FBXO15: variants seen among roughly 807,000 people sequenced by gnomAD.
FBXO15 encodes F-box only protein 15.
In FBXO15, 30 loss-of-function variants were observed where a neutral mutation model predicts 49.5. The ratio of observed to expected loss-of-function variants is 0.61; its 90% CI spans 0.45 to 0.82. FBXO15 has a LOEUF of 0.82. FBXO15 is among the 40% of genes least tolerant of loss of function. FBXO15 has a pLI of 0.00. For missense variants in FBXO15, 591 were observed against 631.5 expected (o/e 0.94, Z 0.69); for synonymous variants, 250 against 232.7 (o/e 1.07, Z -0.68).
chr18:74,143,940 GCTTA>G (rs1979244080), intron 1 of FBXO15, among the ~76,000 whole-genome samples: 1 of 152,166 alleles, frequency 6.6e-6, no homozygotes, highest in Non-Finnish European at 1.5e-5. Flanking sequence ...TGCCTGTCTT[GCTTA>G]CTATCGCTGG....
intron 1 of FBXO15, among the ~76,000 whole-genome samples, chr18:74,143,834 C>T (rs1430448795): frequency 6.6e-6 from 1 of 152,188 alleles, no homozygotes; most frequent in Admixed American, 6.5e-5. Context: ...ATTTAAACTG[C>T]AATCCAGTCC....
intron 5 of FBXO15, among the ~76,000 whole-genome samples, chr18:74,128,312 A>G (rs1291802393): frequency 6.6e-6 from 1 of 151,302 alleles, no homozygotes; most frequent in Non-Finnish European, 1.5e-5. Flanking sequence ...AGCCAAAAAC[A>G]AGGTCCCCAG....
At chr18:74,106,456 T>A (rs905773351) in intron 8 of FBXO15, among the ~76,000 whole-genome samples, 1 of 152,124 alleles carries the variant, frequency 6.6e-6, no homozygotes, top group South Asian at 2.1e-4. Context: ...TAATGAATAT[T>A]CAATTAGAAA....
Position 74,075,443 on chromosome 18 carries a change from A to T in FBXO15, c.1264-1713T>A, listed in dbSNP as rs1403990272. Among the ~76,000 whole-genome samples, 1 of 152,176 alleles carries T rather than the reference A, an allele frequency of 6.6e-6. No individual in the cohort carries two copies. Among genetic ancestry groups the T allele is most frequent in the Non-Finnish European group, 1.5e-5 (1 of 68,032 alleles). On this transcript the variant is annotated intron_variant, in intron 9 of 9. Coordinates refer to ENST00000419743, the MANE Select transcript of FBXO15 (RefSeq NM_001142958.2). This position sits in a 1 kb window ranked among gnomAD's most constrained non-coding sequence, Gnocchi z 4.1. ...TACTTCTGTCCTCCCATCAGCTTTT[A>T]GTCTTTAACACATTCAAGTAACTCC...
chr18:74,077,609 G>T (rs1237925068), intron 9 of FBXO15, among the ~76,000 whole-genome samples: 1 of 152,172 alleles, frequency 6.6e-6, no homozygotes, highest in Non-Finnish European at 1.5e-5. Flanking sequence ...CAGAGCCTGG[G>T]CTGCGAGGAG....
Position 74,145,297 on chromosome 18 carries a change from T to A in FBXO15, c.116+2373A>T, listed in dbSNP as rs1254655445. Among the ~76,000 whole-genome samples, 28 of 152,204 alleles carry A rather than the reference T, an allele frequency of 1.8e-4. 1 individual carries two copies. The highest frequency in any genetic ancestry group is 1.8e-3 in the Admixed American group (28 of 15,288). ...TATGAAGGCTATTTTATTACAAACA[T>A]GTTTTCACACTTTTAAAACGTCAAA... On this transcript the variant is annotated intron_variant, in intron 1 of 9. Transcript: ENST00000419743.
intron 3 of FBXO15, among the ~76,000 whole-genome samples, chr18:74,134,102 G>T (rs181470339): frequency 6.6e-6 from 1 of 152,326 alleles, no homozygotes; most frequent in East Asian, 1.9e-4. Context: ...GTATGTGTGT[G>T]TTTGTGTGTG....
intron 2 of FBXO15, among the ~76,000 whole-genome samples, chr18:74,138,989 C>T (rs191533705): frequency 6.6e-5 from 10 of 152,282 alleles, no homozygotes; most frequent in Admixed American, 4.6e-4. Flanking sequence ...CTCCCCAGAG[C>T]CTGGTAGCCC....
At chr18:74,078,055 G>A (rs1023776509) in intron 9 of FBXO15, among the ~76,000 whole-genome samples, 10 of 152,080 alleles carry the variant, frequency 6.6e-5, no homozygotes, top group Non-Finnish European at 1.0e-4. Context: ...AGGAAGGAGC[G>A]GCCGGTGGGG....
rs765014973 is a variant in FBXO15, at chr18:74,073,529, G to T, written c.1465C>A (p.Leu489Ile). 9.9e-6 allele frequency: 16 copies of T among 1,613,946 alleles called. No individual in the cohort carries two copies. Among genetic ancestry groups the T allele is most frequent in the Non-Finnish European group, 1.4e-5 (16 of 1,180,012 alleles). Reference sequence around the variant, plus strand: ...AGATAAAGGACCAGGTTGACAATAAGGTATTCTTCGGTCTCTCTGATCCAC... The same window carrying T: ...AGATAAAGGACCAGGTTGACAATAATGTATTCTTCGGTCTCTCTGATCCAC... ...LVWIRETEEY[L>I]IVNLVLYLSI... The change falls in exon 10 of 10, where the codon CTT becomes ATT. Residue 489 changes from leucine (L) to isoleucine (I), a missense_variant. By Grantham distance (5) the Leu-to-Ile change is conservative. Coordinates refer to ENST00000419743, the MANE Select transcript of FBXO15 (RefSeq NM_001142958.2).
At chr18:74,134,558 C>T (rs902744180) in intron 3 of FBXO15, among the ~76,000 whole-genome samples, 3 of 151,712 alleles carry the variant, frequency 2.0e-5, no homozygotes, top group Admixed American at 6.6e-5. Flanking sequence ...TTAGTAGAGA[C>T]GGGGTTTCAC....
chr18:74,138,695 C>A (rs905100083), intron 2 of FBXO15, among the ~76,000 whole-genome samples: 2 of 152,104 alleles, frequency 1.3e-5, no homozygotes, highest in Non-Finnish European at 2.9e-5. Context: ...TCAGCTGTAA[C>A]CAGTCCAAAG....
At position 74,129,652 on chromosome 18, in the gene FBXO15, T is replaced by C. The variant is rs370050834; in HGVS notation, c.576-38A>G. On this transcript the variant is annotated intron_variant, in intron 4 of 9. Coordinates refer to ENST00000419743, the MANE Select transcript of FBXO15 (RefSeq NM_001142958.2). ...AAAAAAACTAACAATGTTTGCCTCA[T>C]TGAAAAAAAAAAAATGCTAAAGGCA... The C allele has an allele frequency of 3.5e-5, 54 of 1,532,888 alleles. 1 individual carries two copies. In the African/African-American group the frequency reaches 6.8e-4, roughly 19 times the overall value. The allele number at this position is 1,532,888 out of a possible 1,614,324, so 95.0% of individuals were successfully genotyped here. A position where few individuals can be genotyped will look rare whatever the true frequency, so the allele number is the denominator to read the frequency against.
chr18:74,085,511 T>C (rs1198333394), intron 8 of FBXO15, among the ~76,000 whole-genome samples: 1 of 152,182 alleles, frequency 6.6e-6, no homozygotes, highest in Non-Finnish European at 1.5e-5. Context: ...GAGAATCGCT[T>C]GAACCAAGGA....
intron 8 of FBXO15, among the ~76,000 whole-genome samples, chr18:74,086,456 TCTCA>T (rs1044136940): frequency 2.0e-5 from 3 of 152,150 alleles, no homozygotes; most frequent in African/African-American, 7.2e-5. Flanking sequence ...TTAGACGGAG[TCTCA>T]CTCTGTCGCA....
intron 8 of FBXO15, among the ~76,000 whole-genome samples, chr18:74,116,921 G>A (rs1914257519): frequency 6.6e-6 from 1 of 152,162 alleles, no homozygotes; most frequent in Non-Finnish European, 1.5e-5. Flanking sequence ...AGGTCTCTCG[G>A]AGGATGAAGA....
At chr18:74,077,089 G>A (rs562351417) in intron 9 of FBXO15, among the ~76,000 whole-genome samples, 81 of 152,296 alleles carry the variant, frequency 5.3e-4, no homozygotes, top group Non-Finnish European at 8.4e-4. Context: ...GACTCGGCCC[G>A]GCCAGTGCAG....
intron 9 of FBXO15, chr18:74,078,574 A>C (rs1174657584): frequency 2.0e-5 from 3 of 152,480 alleles, no homozygotes; most frequent in Non-Finnish European, 4.4e-5. Flanking sequence ...CCTTCTCCAG[A>C]ATAAATCACT....
chr18:74,116,901 C>A (rs1414597125), intron 8 of FBXO15, among the ~76,000 whole-genome samples: 1 of 152,090 alleles, frequency 6.6e-6, no homozygotes, highest in East Asian at 1.9e-4. Context: ...AGCGTCGAGC[C>A]AGGCTTCACA....
Sources: allele counts gnomAD v4.1 joint callset (sites outside exome capture counted in the v4.1 genomes callset), GRCh38; gene constraint gnomAD v4.1.1; non-coding constraint Gnocchi (gnomAD v3.1); transcripts MANE v1.5; gene names NCBI Gene and HGNC (gene_info 2026-07-23, HGNC 2026-07-21).